Variants in HERC3 observed in about 807,000 individuals in gnomAD.
The protein encoded by HERC3 is HECT and RLD domain containing E3 ubiquitin protein ligase 3.
Under a neutral mutation model 129.9 loss-of-function variants are expected in HERC3, and 58 were observed. That is an observed-to-expected ratio of 0.45 (90% confidence interval 0.36 to 0.56). HERC3 has a LOEUF of 0.56. HERC3 is among the 20% of genes least tolerant of loss of function. The pLI, the probability that HERC3 is intolerant of heterozygous loss-of-function variation, is 0.00. For synonymous variants in HERC3, 430 were observed against 451.0 expected, an observed-to-expected ratio of 0.95 and a Z score of 0.59; for missense variants, 835 against 1,244.2, an observed-to-expected ratio of 0.67 and a Z score of 4.95.
the HERC3 span, among the ~76,000 whole-genome samples, chr4:88,570,855 G>A: frequency 3.3e-5 from 5 of 151,732 alleles, no homozygotes; most frequent in African/African-American, 7.3e-5. Context: ...CCGGGTTCAC[G>A]CCATTCTCCT....
At chr4:88,532,828 G>T in the HERC3 span, among the ~76,000 whole-genome samples, 1 of 152,158 alleles carries the variant, frequency 6.6e-6, no homozygotes, top group Non-Finnish European at 1.5e-5. Flanking sequence ...TTTTTGCAAG[G>T]GTTCAAGGGA....
rs1733503158 is a variant in HERC3 at position 88,686,657 on chromosome 4, G to A, written c.2508-79G>A. 14 of 892,668 alleles carry A rather than the reference G, an allele frequency of 1.6e-5. 1 individual carries two copies. The South Asian group carries it at 1.9e-4, about 12-fold the overall frequency. The allele number at this position is 892,668 out of a possible 1,614,324, so 55.3% of individuals were successfully genotyped here. A position where few individuals can be genotyped will look rare whatever the true frequency, so the allele number is the denominator to read the frequency against. ...CATAGTTTTTCCTTGGAAATGGTCT[G>A]GACATGTAACTGAAGTAGAAACACT... On this transcript the variant is annotated intron_variant, in intron 21 of 25. Transcript: ENST00000402738.
At chr4:88,567,611 C>T in the HERC3 span, among the ~76,000 whole-genome samples, 4 of 152,094 alleles carry the variant, frequency 2.6e-5, no homozygotes, top group African/African-American at 7.2e-5. Flanking sequence ...TTGAATTTCT[C>T]GGCTCCAGAA....
intron 21 of HERC3, among the ~76,000 whole-genome samples, chr4:88,686,413 G>C (rs911313881): frequency 6.6e-6 from 1 of 152,146 alleles, no homozygotes; most frequent in Non-Finnish European, 1.5e-5. Flanking sequence ...TCATTTATAT[G>C]TATACACACA....
intron 3 of HERC3, among the ~76,000 whole-genome samples, chr4:88,646,808 C>T (rs571285008): frequency 2.6e-5 from 4 of 152,252 alleles, no homozygotes; most frequent in East Asian, 1.9e-4. Context: ...ATTAGACGAG[C>T]GCAGTTTTCT....
chr4:88,664,270 G>A, intron 12 of HERC3, 58 bp downstream of exon 12: 1 of 1,386,302 alleles, frequency 7.2e-7, no homozygotes, highest in South Asian at 1.2e-5. Flanking sequence ...CAAGCTATTT[G>A]GAAGGCTGAC....
chr4:88,561,703 A>G, the HERC3 span, among the ~76,000 whole-genome samples: 2 of 152,004 alleles, frequency 1.3e-5, no homozygotes, highest in African/African-American at 4.8e-5. Context: ...TCTACTGTCC[A>G]TCTCCATGAG....
intron 3 of HERC3, among the ~76,000 whole-genome samples, chr4:88,617,911 G>A (rs1481645211): frequency 6.6e-6 from 1 of 151,768 alleles, no homozygotes; most frequent in African/African-American, 2.4e-5. Flanking sequence ...GTGCAGAAAA[G>A]TGGGGACCAT....
chr4:88,548,843 A>G, the HERC3 span, among the ~76,000 whole-genome samples: 6 of 151,754 alleles, frequency 4.0e-5, no homozygotes, highest in African/African-American at 1.2e-4. Flanking sequence ...TGTATTTTTT[A>G]GTAGAGACAG....
the HERC3 span, among the ~76,000 whole-genome samples, chr4:88,585,157 C>T: frequency 6.6e-6 from 1 of 152,170 alleles, no homozygotes; most frequent in Admixed American, 6.5e-5. Context: ...TTTATGTGGG[C>T]ACTAATTCTA....
chr4:88,605,844 G>T lies in HERC3; in HGVS notation c.21G>T (p.Trp7Cys). MLCWGY[W>C]SLGQPGISTN... ...GAACAATGTTATGTTGGGGATATTG[G>T]TCTCTGGGCCAACCTGGTATCAGCA... The change falls in exon 3 of 26, where the codon TGG becomes TGT. Residue 7 changes from tryptophan to cysteine, a missense_variant. Coordinates refer to ENST00000402738, the MANE Select transcript of HERC3 (RefSeq NM_014606.3). 1.9e-6 allele frequency: 3 copies of T among 1,614,126 alleles called. No homozygotes were observed. The highest frequency in any genetic ancestry group is 1.7e-6 in the Non-Finnish European group (2 of 1,179,980).
At chr4:88,644,022 TGAAAA>T (rs890446588) in intron 3 of HERC3, among the ~76,000 whole-genome samples, 5 of 152,154 alleles carry the variant, frequency 3.3e-5, no homozygotes, top group African/African-American at 1.2e-4. Flanking sequence ...AATAAGCACA[TGAAAA>T]GATGTTTGAC....
chr4:88,618,130 G>A (rs1433851132), intron 3 of HERC3, among the ~76,000 whole-genome samples: 1 of 152,220 alleles, frequency 6.6e-6, no homozygotes, highest in African/African-American at 2.4e-5. Context: ...TTCAGATGAG[G>A]GAAGAAGGCT....
At chr4:88,542,458 C>CA in the HERC3 span, among the ~76,000 whole-genome samples, 1 of 151,850 alleles carries the variant, frequency 6.6e-6, no homozygotes, top group African/African-American at 2.4e-5. Flanking sequence ...TAATAACAAC[C>CA]AAAAAAAGTC....
chr4:88,605,910 G>A lies in HERC3; in HGVS notation c.87G>A (p.Gly29=). The part of the protein sequence containing the change: ...QGIVAEPQVC[G]FISDRSVKEV... ...TTGTGGCTGAGCCCCAGGTGTGTGGGTTCATATCTGACAGAAGTGTCAAGG... is the reference window on the plus strand; with the variant it reads ...TTGTGGCTGAGCCCCAGGTGTGTGGATTCATATCTGACAGAAGTGTCAAGG... The change falls in exon 3 of 26, where the codon GGG becomes GGA. Residue 29 remains glycine, a synonymous_variant. Coordinates refer to ENST00000402738, the MANE Select transcript of HERC3 (RefSeq NM_014606.3). 6.2e-7 allele frequency: 1 copy of A among 1,614,208 alleles called. No individual in the cohort carries two copies. Among genetic ancestry groups the A allele is most frequent in the Non-Finnish European group, 8.5e-7 (1 of 1,180,042 alleles).
intron 3 of HERC3, among the ~76,000 whole-genome samples, chr4:88,636,318 G>C (rs1727391050): frequency 6.6e-6 from 1 of 152,142 alleles, no homozygotes; most frequent in South Asian, 2.1e-4. Flanking sequence ...CCAGCAAATG[G>C]AAAGTGGAAA....
At chr4:88,625,407 C>T (rs1725986743) in intron 3 of HERC3, among the ~76,000 whole-genome samples, 2 of 152,096 alleles carry the variant, frequency 1.3e-5, no homozygotes, top group Admixed American at 6.5e-5. Context: ...ACAGGTCTTA[C>T]ACATGTTTCA....
intron 1 of HERC3, among the ~76,000 whole-genome samples, chr4:88,593,682 T>C (rs886416475): frequency 6.6e-6 from 1 of 152,250 alleles, no homozygotes; most frequent in African/African-American, 2.4e-5. Context: ...TCCATTTGTA[T>C]GTGTCTTCTG....
chr4:88,676,916 G>T (rs899925547), intron 18 of HERC3, among the ~76,000 whole-genome samples: 1 of 152,166 alleles, frequency 6.6e-6, no homozygotes, highest in Non-Finnish European at 1.5e-5. Flanking sequence ...GCCGAGGCAG[G>T]CTTATCAGAG....
Sources: gnomAD v4.1 joint callset for allele counts (sites outside exome capture counted in the v4.1 genomes callset) on GRCh38, gnomAD v4.1.1 for gene constraint, MANE v1.5 for transcripts, NCBI Gene and HGNC (gene_info 2026-07-23, HGNC 2026-07-21) for gene names.